Variants in OR2T2 observed in about 807,000 individuals in gnomAD.
OR2T2 encodes olfactory receptor family 2 subfamily T member 2.
For missense variants in OR2T2, 138 were observed against 409.1 expected (o/e 0.34, Z 5.72); for synonymous variants, 50 against 162.7 (o/e 0.31, Z 5.27).
intron 2 of OR2T2, among the ~76,000 whole-genome samples, chr1:248,448,190 T>C (rs1420456102): frequency 6.7e-6 from 1 of 150,014 alleles, no homozygotes; most frequent in East Asian, 2.0e-4. Flanking sequence ...GTGAAAGTTC[T>C]TGACTTAAGG....
At position 248,453,959 on chromosome 1, in the gene OR2T2, C is replaced by T. The variant is rs1662882556; in HGVS notation, c.*187C>T. 1.1e-5 allele frequency: 7 copies of T among 630,496 alleles called. No individual in the cohort carries two copies. The South Asian group carries it at 1.1e-4, about 10-fold the overall frequency. 39.1% of individuals were successfully genotyped at this position (630,496 alleles called of 1,614,324 possible). On this transcript the variant is annotated 3_prime_UTR_variant, in exon 3 of 3. Transcript: ENST00000642130. ...ATTGGTTCTGAAGAATGTTCAGTGT[C>T]ACTTTCAGCAATTCAAAATTAACAG...
At chr1:248,450,500 A>G (rs1472691535) in intron 2 of OR2T2, among the ~76,000 whole-genome samples, 1 of 149,774 alleles carries the variant, frequency 6.7e-6, no homozygotes, top group Non-Finnish European at 1.5e-5. Context: ...TTTATCATAG[A>G]CATTTGAGGC....
chr1:248,447,340 CTA>C (rs1419187208), intron 2 of OR2T2, among the ~76,000 whole-genome samples: 10 of 146,800 alleles, frequency 6.8e-5, no homozygotes, highest in South Asian at 4.4e-4. Context: ...GCTTTCAAGA[CTA>C]AAACTGCCAG....
intron 1 of OR2T2, 34 bp downstream of exon 1, chr1:248,445,703 A>G (rs1377989211): frequency 2.6e-5 from 4 of 152,176 alleles, no homozygotes; most frequent in Admixed American, 6.5e-5. Context: ...AAAACAGAAC[A>G]TCACCCAGAT....
intron 2 of OR2T2, among the ~76,000 whole-genome samples, chr1:248,450,385 T>TG (rs1662768170): frequency 6.9e-6 from 1 of 145,040 alleles, no homozygotes; most frequent in Non-Finnish European, 1.5e-5. Flanking sequence ...TGTATAAAAA[T>TG]GAGGTGGCTA....
intron 2 of OR2T2, chr1:248,449,194 C>CT (rs1189328019): frequency 1.7e-4 from 26 of 150,538 alleles, no homozygotes; most frequent in East Asian, 1.2e-3. Context: ...CCCTTTCAAG[C>CT]TTTACAGGTA....
intron 2 of OR2T2, among the ~76,000 whole-genome samples, chr1:248,447,974 C>A (rs1373493424): frequency 2.4e-4 from 37 of 152,368 alleles, no homozygotes; most frequent in Admixed American, 2.4e-3. Flanking sequence ...GAAATATCAT[C>A]CCTCTGTGTA....
chr1:248,448,233 GA>G, intron 2 of OR2T2, among the ~76,000 whole-genome samples: 2 of 150,590 alleles, frequency 1.3e-5, no homozygotes, highest in Non-Finnish European at 2.9e-5. Context: ...ACTTTGCCAA[GA>G]TCTATATTAA....
At chr1:248,452,556 G>A (rs1471958796) in intron 2 of OR2T2, among the ~76,000 whole-genome samples, 1 of 129,632 alleles carries the variant, frequency 7.7e-6, no homozygotes, top group African/African-American at 3.6e-5. Context: ...AGCCTGTAGA[G>A]TACAGAACTA....
chr1:248,445,967 G>C (rs1052092564), intron 1 of OR2T2, among the ~76,000 whole-genome samples: 12 of 141,914 alleles, frequency 8.5e-5, no homozygotes, highest in Non-Finnish European at 1.5e-4. Context: ...CCGACAGTTA[G>C]AAGAATGTGC....
chr1:248,448,221 T>TATA, intron 2 of OR2T2, among the ~76,000 whole-genome samples: 2 of 151,132 alleles, frequency 1.3e-5, no homozygotes, highest in Non-Finnish European at 2.9e-5. Context: ...CCTCATAAGC[T>TATA]GACTTTGCCA....
intron 2 of OR2T2, among the ~76,000 whole-genome samples, chr1:248,447,145 A>G (rs561488741): frequency 1.1e-4 from 17 of 151,918 alleles, no homozygotes; most frequent in African/African-American, 4.1e-4. Flanking sequence ...ATCATTGGAT[A>G]CTACGTTGCT....
chr1:248,446,532 C>CCCCGCCCCG (rs1662659983), intron 1 of OR2T2, 57 bp from the exon 2 acceptor site: 1 of 145,488 alleles, frequency 6.9e-6, no homozygotes, highest in Non-Finnish European at 1.5e-5. Context: ...CCTCACCTCG[C>CCCCGCCCCG]CTCTGCTGCT....
chr1:248,448,078 T>A lies in OR2T2; in HGVS notation c.-23+1267T>A, dbSNP rs1457183454. ...GGCGGACTCAGTGCTTGTGTTCAAG[T>A]AACTCAGTTTTTCTTAATGGCTCCA... On this transcript the variant is annotated intron_variant, in intron 2 of 2. Coordinates refer to ENST00000642130, the Ensembl canonical transcript of OR2T2. 2.6e-5 allele frequency among the ~76,000 whole-genome samples: 4 copies of A among 152,358 alleles called. No individual in the cohort carries two copies. In the South Asian group the frequency reaches 8.3e-4, roughly 32 times the overall value.
chr1:248,446,111 G>A (rs951891), intron 1 of OR2T2, among the ~76,000 whole-genome samples: 20,952 of 144,436 alleles, frequency 0.15, 2,903 homozygotes, highest in East Asian at 0.38. Flanking sequence ...TAATTGCTCC[G>A]TTCATATGCA....
chr1:248,449,977 G>T (rs1662755944), intron 2 of OR2T2, among the ~76,000 whole-genome samples: 2 of 143,512 alleles, frequency 1.4e-5, no homozygotes, highest in Non-Finnish European at 1.5e-5. Flanking sequence ...ACATCGTAAT[G>T]CTAAATAGCA....
rs558857985 is a variant in OR2T2 at position 248,450,279 on chromosome 1, C to T, written c.-22-2497C>T. ...AGATGCACACACCACACATACCATG[C>T]TCACACACTCACATATGAACACACT... On this transcript the variant is annotated intron_variant, in intron 2 of 2. Coordinates refer to ENST00000642130, the Ensembl canonical transcript of OR2T2. Among the ~76,000 whole-genome samples the T allele has an allele frequency of 1.3e-4, 17 of 134,668 alleles. No individual in the cohort carries two copies. In the East Asian group the frequency reaches 4.0e-3, roughly 32 times the overall value. The allele number at this position is 134,668 out of a possible 152,430, so 88.3% of individuals were successfully genotyped here. A position where few individuals can be genotyped will look rare whatever the true frequency, so the allele number is the denominator to read the frequency against.
At chr1:248,450,517 GT>G (rs1453820734) in intron 2 of OR2T2, among the ~76,000 whole-genome samples, 1 of 150,840 alleles carries the variant, frequency 6.6e-6, no homozygotes, top group Non-Finnish European at 1.5e-5. Context: ...AGGCAATAGT[GT>G]TTTACCTCCT....
chr1:248,453,857 C>A (rs1400711006), exon 3 of OR2T2: 1 of 1,525,482 alleles, frequency 6.6e-7, no homozygotes, highest in Non-Finnish European at 8.9e-7. Context: ...GGTGACTGAT[C>A]AGGAAGGACT....
Sources: gnomAD v4.1 joint callset for allele counts (sites outside exome capture counted in the v4.1 genomes callset) on GRCh38, gnomAD v4.1.1 for gene constraint, MANE v1.5 for transcripts, NCBI Gene and HGNC (gene_info 2026-07-23, HGNC 2026-07-21) for gene names.